ABI2: variants seen among roughly 807,000 people sequenced by gnomAD.
ABI2 encodes abl interactor 2, also known as abelson interactor 2.
A neutral mutation model predicts 59.2 loss-of-function variants in ABI2; 25 were observed. The observed-to-expected ratio is 0.42, with a 90% CI of 0.31 to 0.59. The LOEUF is 0.59. Among genes scored for constraint, ABI2 ranks in the 20% least tolerant of loss-of-function variants. ABI2 has a pLI of 0.14. For missense variants in ABI2, 545 were observed against 681.8 expected (o/e 0.80, Z 2.23); for synonymous variants, 213 against 235.5 (o/e 0.90, Z 0.87).
intron 1 of ABI2, among the ~76,000 whole-genome samples, chr2:203,354,710 A>G (rs2090968180): frequency 6.7e-6 from 1 of 149,626 alleles, no homozygotes; most frequent in African/African-American, 2.4e-5. Context: ...TGTGATAAGA[A>G]GAGGCCCAGG....
At position 203,337,334 on chromosome 2, in the gene ABI2, G is replaced by T. The variant is rs544099043; in HGVS notation, c.117+8703G>T. Reference sequence around the variant, plus strand: ...CAAGATCAACATACAAAAATCTGTTGTGTTTCTACATATTAACTACAAACG... The same window carrying T: ...CAAGATCAACATACAAAAATCTGTTTTGTTTCTACATATTAACTACAAACG... On this transcript the variant is annotated intron_variant, in intron 1 of 11. Transcript: ENST00000261018. Among the ~76,000 whole-genome samples the T allele has an allele frequency of 9.2e-5, 14 of 152,266 alleles. No homozygotes were observed. In the South Asian group the frequency reaches 2.9e-3, roughly 32 times the overall value.
At chr2:203,348,763 C>T (rs866887351) in intron 1 of ABI2, among the ~76,000 whole-genome samples, 19 of 152,080 alleles carry the variant, frequency 1.2e-4, no homozygotes, top group Admixed American at 4.6e-4. Context: ...TGTACAGCCG[C>T]CTCCATTATT....
At chr2:203,354,133 C>G (rs1424964821) in intron 1 of ABI2, among the ~76,000 whole-genome samples, 1 of 152,178 alleles carries the variant, frequency 6.6e-6, no homozygotes, top group Non-Finnish European at 1.5e-5. Context: ...CAACCTCCAC[C>G]TCCCGGGCTC....
At position 203,399,104 on chromosome 2, in the gene ABI2, C is replaced by T. The variant is rs139452784; in HGVS notation, c.1033+2137C>T. Among the ~76,000 whole-genome samples the T allele has an allele frequency of 2.6e-3, 393 of 152,138 alleles. 3 individuals carry two copies. The highest frequency in any genetic ancestry group is 9.1e-3 in the African/African-American group (379 of 41,512). On this transcript the variant is annotated intron_variant, in intron 8 of 11. Transcript: ENST00000261018. The stretch of plus-strand genomic sequence containing the variant: ...GGTTATATTGTAAGTAAATTTTTAA[C>T]GTCATAAGAAACTGCCAAGTTGTTT...
At chr2:203,377,495 T>G (rs2095788385) in intron 2 of ABI2, among the ~76,000 whole-genome samples, 1 of 152,240 alleles carries the variant, frequency 6.6e-6, no homozygotes, top group Non-Finnish European at 1.5e-5. Flanking sequence ...AACCTTTTAT[T>G]GATCTGACGA....
intron 1 of ABI2, chr2:203,355,296 C>T: frequency 7.7e-6 from 2 of 260,878 alleles, no homozygotes; most frequent in East Asian, 9.0e-5. Flanking sequence ...TGCTGGAGCT[C>T]AGGTGGGAAG....
intron 11 of ABI2, among the ~76,000 whole-genome samples, chr2:203,418,338 A>T (rs1404624651): frequency 6.6e-6 from 1 of 152,254 alleles, no homozygotes; most frequent in African/African-American, 2.4e-5. Context: ...TGCGTGGCTC[A>T]GCTGGGCCCT....
At position 203,366,877 on chromosome 2, in the gene ABI2, T is replaced by G; in HGVS notation, c.118T>G (p.Ser40Ala). Residue 40 changes from serine (S) to alanine (A), a missense_variant and splice_region_variant, in exon 2 of 12, where the codon TCA becomes GCA. Transcript: ENST00000261018. ...ADYCENNYIQ[S>A]ADKQRALEET... The stretch of plus-strand genomic sequence containing the variant: ...ATCACTGGTTTGTTTTTTTTCCCAG[T>G]CAGCAGATAAGCAGAGAGCCCTAGA... The G allele has an allele frequency of 1.3e-6, 2 of 1,530,220 alleles. No homozygotes were observed. Among genetic ancestry groups the G allele is most frequent in the South Asian group, 2.6e-5 (2 of 76,736 alleles). 94.8% of individuals were successfully genotyped at this position (1,530,220 alleles called of 1,614,324 possible).
intron 2 of ABI2, chr2:203,367,315 TCCC>T (rs1423258431): frequency 3.3e-5 from 7 of 213,232 alleles, no homozygotes; most frequent in Admixed American, 8.8e-5. Context: ...CTTCATCCAT[TCCC>T]CCGCCTTTTT....
intron 2 of ABI2, among the ~76,000 whole-genome samples, chr2:203,373,810 A>T (rs1310852400): frequency 1.3e-5 from 2 of 152,214 alleles, no homozygotes; most frequent in African/African-American, 4.8e-5. Flanking sequence ...CTCAAGAGCT[A>T]GGTATTGAAA....
At chr2:203,399,420 CT>C (rs2097133070) in intron 8 of ABI2, among the ~76,000 whole-genome samples, 1 of 150,296 alleles carries the variant, frequency 6.7e-6, no homozygotes, top group Non-Finnish European at 1.5e-5. Flanking sequence ...TCATTGAGTT[CT>C]TTTATATTCT....
chr2:203,338,997 TATATATATATAAAGGATTC>T (rs2078263684), intron 1 of ABI2, among the ~76,000 whole-genome samples: 1 of 70,838 alleles, frequency 1.4e-5, no homozygotes, highest in African/African-American at 6.0e-5. Context: ...TATATATATA[TATATATATATAAAGGATTC>T]ATACAACTTA....
In ABI2 at chr2:203,406,625, G is replaced by A. The variant is rs147004865; in HGVS notation, c.1192+3891G>A. ...CTAAAACGTCTAGAAGAATACTGAT[G>A]TGTTGGGGCTTTAGCAAAGTATAAA... is the stretch of plus-strand genomic sequence containing the variant. On this transcript the variant is annotated intron_variant, in intron 9 of 11. Transcript: ENST00000261018. 2.3e-3 allele frequency among the ~76,000 whole-genome samples: 348 copies of A among 152,308 alleles called. 4 individuals carry two copies. Among genetic ancestry groups the A allele is most frequent in the Non-Finnish European group, 2.8e-3 (188 of 68,008 alleles).
At position 203,396,972 on chromosome 2, in the gene ABI2, G is replaced by A. The variant is rs1165326619; in HGVS notation, c.1033+5G>A. ...TTTCTTCCACTCCCCCTACAGGTAA[G>A]TATTTGCTTATTCATTGGCAGGCAG... On this transcript the variant is annotated splice_donor_5th_base_variant and intron_variant, in intron 8 of 11. Transcript: ENST00000261018. The A allele has an allele frequency of 2.1e-6, 3 of 1,445,452 alleles. No homozygotes were observed. Among genetic ancestry groups the A allele is most frequent in the Non-Finnish European group, 1.8e-6 (2 of 1,101,018 alleles). 89.5% of individuals were successfully genotyped at this position (1,445,452 alleles called of 1,614,324 possible). A position where few individuals can be genotyped will look rare whatever the true frequency, so the allele number is the denominator to read the frequency against.
At chr2:203,347,816 G>A (rs1408150971) in intron 1 of ABI2, among the ~76,000 whole-genome samples, 2 of 152,162 alleles carry the variant, frequency 1.3e-5, no homozygotes, top group African/African-American at 2.4e-5. Flanking sequence ...TTTGTCTAAG[G>A]CCTAGCAGTT....
chr2:203,338,983 A>AATATATATATATATATAAATATATAT (rs2078195556), intron 1 of ABI2, among the ~76,000 whole-genome samples: 14 of 12,326 alleles, frequency 1.1e-3, no homozygotes, highest in African/African-American at 3.2e-3. Flanking sequence ...TATATATATA[A>AATATATATATATATATAAATATATAT]ATATATATAT....
At chr2:203,370,484 A>G (rs1446873308) in intron 2 of ABI2, among the ~76,000 whole-genome samples, 1 of 152,140 alleles carries the variant, frequency 6.6e-6, no homozygotes, top group Non-Finnish European at 1.5e-5. Context: ...GTATTTTTAA[A>G]CAATGATTTA....
At position 203,427,759 on chromosome 2, in the gene ABI2, G is replaced by C. The variant is rs2098452517; in HGVS notation, c.*407G>C. Reference sequence around the variant, plus strand: ...TGTTCTTCATTGCCTGTGCTAAGGGGTTAACCTCATGGCCCAGTGGGTACC... The same window carrying C: ...TGTTCTTCATTGCCTGTGCTAAGGGCTTAACCTCATGGCCCAGTGGGTACC... On this transcript the variant is annotated 3_prime_UTR_variant, in exon 12 of 12. Coordinates refer to ENST00000261018, the MANE Select transcript of ABI2 (RefSeq NM_001375670.1). 1 of 156,530 alleles carries C rather than the reference G, an allele frequency of 6.4e-6. No individual in the cohort carries two copies. Among genetic ancestry groups the C allele is most frequent in the Admixed American group, 6.3e-5 (1 of 15,792 alleles). The allele number at this position is 156,530 out of a possible 1,614,324, so 9.7% of individuals were successfully genotyped here. A position where few individuals can be genotyped will look rare whatever the true frequency, so the allele number is the denominator to read the frequency against.
intron 2 of ABI2, among the ~76,000 whole-genome samples, chr2:203,373,581 A>G (rs1577705911): frequency 6.6e-6 from 1 of 152,192 alleles, no homozygotes; most frequent in African/African-American, 2.4e-5. Context: ...TAGTAAAATT[A>G]GTCAGTACTT....
Sources: gnomAD v4.1 joint callset for allele counts (sites outside exome capture counted in the v4.1 genomes callset) on GRCh38, gnomAD v4.1.1 for gene constraint, MANE v1.5 for transcripts, NCBI Gene and HGNC (gene_info 2026-07-23, HGNC 2026-07-21) for gene names.